The following CACNG4 variants were observed in gnomAD, a reference collection of about 807,000 sequenced individuals.
CACNG4 encodes voltage-dependent calcium channel gamma-4 subunit.
Under a neutral mutation model 22.9 loss-of-function variants are expected in CACNG4, and 8 were observed. The ratio of observed to expected loss-of-function variants is 0.35; its 90% confidence interval spans 0.21 to 0.63. The LOEUF (loss-of-function observed/expected upper bound fraction) is 0.63. Among genes scored for constraint, CACNG4 ranks in the 30% least tolerant of loss-of-function variants. The pLI, the probability that CACNG4 is intolerant of heterozygous loss-of-function variation, is 0.72. For synonymous variants in CACNG4, 188 were observed against 191.9 expected (o/e 0.98, Z 0.17); for missense variants, 357 against 455.4 (o/e 0.78, Z 1.97).
chr17:66,984,061 C>T lies in CACNG4; in HGVS notation c.220+18930C>T, dbSNP rs1472323446. Reference sequence around the variant, plus strand: ...ATCTAACTGCACCCTTAGGATTACTCTCTGTAGATTATCTTCAGTAAAAAT... The same window carrying T: ...ATCTAACTGCACCCTTAGGATTACTTTCTGTAGATTATCTTCAGTAAAAAT... On this transcript the variant is annotated intron_variant, in intron 1 of 3. Coordinates refer to ENST00000262138, the MANE Select transcript of CACNG4 (RefSeq NM_014405.4). The surrounding 1 kb of genome is among the most constrained non-coding windows in gnomAD (Gnocchi z 4.0). 6.6e-6 allele frequency among the ~76,000 whole-genome samples: 1 copy of T among 152,200 alleles called. No homozygotes were observed. The highest frequency in any genetic ancestry group is 1.5e-5 in the Non-Finnish European group (1 of 68,036).
chr17:67,020,508 G>T (rs936832373), intron 2 of CACNG4, among the ~76,000 whole-genome samples: 2 of 152,234 alleles, frequency 1.3e-5, no homozygotes, highest in African/African-American at 2.4e-5. Context: ...CGGCTTTCGG[G>T]CCTGTGGTCT....
chr17:66,969,256 G>C (rs1442594730), intron 1 of CACNG4, among the ~76,000 whole-genome samples: 1 of 152,180 alleles, frequency 6.6e-6, no homozygotes, highest in Non-Finnish European at 1.5e-5. Flanking sequence ...ACCAACTCTA[G>C]AGAACTCACT....
intron 1 of CACNG4, among the ~76,000 whole-genome samples, chr17:66,998,907 G>A (rs369548148): frequency 4.6e-5 from 7 of 152,332 alleles, no homozygotes; most frequent in East Asian, 3.9e-4. Flanking sequence ...GAGATGGTCC[G>A]GGAGCTCAAA....
chr17:67,012,932 C>T lies in CACNG4; in HGVS notation c.221-5257C>T, dbSNP rs144538706. 3.9e-5 allele frequency among the ~76,000 whole-genome samples: 6 copies of T among 152,318 alleles called. No individual in the cohort carries two copies. In the East Asian group the frequency reaches 1.2e-3, roughly 29 times the overall value. On this transcript the variant is annotated intron_variant, in intron 1 of 3. Transcript: ENST00000262138. The stretch of plus-strand genomic sequence containing the variant: ...AGGTCATGCTTTTGAAAATGCATTG[C>T]AAATGACAAAGGATTATATGAATGA...
At chr17:66,994,485 C>T (rs962425043) in intron 1 of CACNG4, among the ~76,000 whole-genome samples, 3 of 152,154 alleles carry the variant, frequency 2.0e-5, no homozygotes, top group Non-Finnish European at 4.4e-5. Flanking sequence ...CAGGAAGGTG[C>T]GGCACAGAGG....
At chr17:66,976,859 C>T (rs1324588909) in intron 1 of CACNG4, among the ~76,000 whole-genome samples, 6 of 152,206 alleles carry the variant, frequency 3.9e-5, no homozygotes, top group Non-Finnish European at 7.3e-5. Context: ...TAACCTCACA[C>T]GTCGGCTGTG....
At chr17:66,994,125 G>A (rs2035359047) in intron 1 of CACNG4, among the ~76,000 whole-genome samples, 1 of 152,038 alleles carries the variant, frequency 6.6e-6, no homozygotes, top group Non-Finnish European at 1.5e-5. Flanking sequence ...GAAGCCACAA[G>A]TTCAAGACCA....
chr17:66,986,051 A>G (rs968832349), intron 1 of CACNG4, among the ~76,000 whole-genome samples: 1 of 152,248 alleles, frequency 6.6e-6, no homozygotes, highest in African/African-American at 2.4e-5. Context: ...CCCAGTGCCT[A>G]CCAGGGGCCC....
chr17:67,025,993 G>A (rs1404994115), intron 3 of CACNG4, among the ~76,000 whole-genome samples: 7 of 152,236 alleles, frequency 4.6e-5, no homozygotes, highest in African/African-American at 1.7e-4. Context: ...GTGATCTGTG[G>A]GGCCTGTACA....
At chr17:66,971,009 C>T (rs547033235) in intron 1 of CACNG4, among the ~76,000 whole-genome samples, 9 of 152,200 alleles carry the variant, frequency 5.9e-5, no homozygotes, top group Non-Finnish European at 8.8e-5. Context: ...GTCACCAGAC[C>T]CTGAGTGTCA....
rs1487083417 is a variant in CACNG4 at position 67,024,854 on chromosome 17, G to A, written c.305-6G>A. On this transcript the variant is annotated splice_polypyrimidine_tract_variant and splice_region_variant and intron_variant, in intron 2 of 3. Transcript: ENST00000262138. The stretch of plus-strand genomic sequence containing the variant: ...TCTGCTTTGTGCCCCCCACCTCCCC[G>A]GCCAGGCATCGTGCGAGCCTCCAGC... 5 of 1,534,306 alleles carry A rather than the reference G, an allele frequency of 3.3e-6. No individual in the cohort carries two copies. The highest frequency in any genetic ancestry group is 4.4e-6 in the Non-Finnish European group (5 of 1,142,274).
intron 1 of CACNG4, among the ~76,000 whole-genome samples, chr17:67,015,515 G>A (rs2035491962): frequency 6.6e-6 from 1 of 152,162 alleles, no homozygotes; most frequent in South Asian, 2.1e-4. Flanking sequence ...TGTTGTCATG[G>A]GGAGAAGCTG....
intron 1 of CACNG4, among the ~76,000 whole-genome samples, chr17:67,011,225 G>A (rs993157563): frequency 6.6e-6 from 1 of 152,166 alleles, no homozygotes; most frequent in Admixed American, 6.5e-5. Context: ...GCTGGTCCCT[G>A]GACTGAGTCT....
intron 1 of CACNG4, among the ~76,000 whole-genome samples, chr17:66,994,339 A>AAC (rs1555577685): frequency 2.6e-5 from 4 of 151,160 alleles, no homozygotes; most frequent in African/African-American, 7.3e-5. Flanking sequence ...AAAAAAAAAA[A>AAC]AAAAAACTGC....
At chr17:67,012,143 A>T (rs1401845146) in intron 1 of CACNG4, among the ~76,000 whole-genome samples, 1 of 152,220 alleles carries the variant, frequency 6.6e-6, no homozygotes, top group Non-Finnish European at 1.5e-5. Context: ...ACAAGGAATC[A>T]AGAGGCTGGA....
At position 67,025,025 on chromosome 17, in the gene CACNG4, C is replaced by T. The variant is rs762037292; in HGVS notation, c.445+25C>T. The T allele has an allele frequency of 1.3e-4, 197 of 1,563,162 alleles. 2 individuals carry two copies. Among genetic ancestry groups the T allele is most frequent in the Non-Finnish European group, 2.6e-5 (30 of 1,158,710 alleles). ...GGTGAGCCGCCCGCCCGGGCTGGTGCTGGGCCGGGAGCTGGGGACACAGGA... is the reference window on the plus strand; with the variant it reads ...GGTGAGCCGCCCGCCCGGGCTGGTGTTGGGCCGGGAGCTGGGGACACAGGA... On this transcript the variant is annotated intron_variant, in intron 3 of 3. Coordinates refer to ENST00000262138, the MANE Select transcript of CACNG4 (RefSeq NM_014405.4).
chr17:67,025,743 T>C, intron 3 of CACNG4, among the ~76,000 whole-genome samples: 1 of 152,228 alleles, frequency 6.6e-6, no homozygotes, highest in African/African-American at 2.4e-5. Context: ...GCCGCACACG[T>C]GGGCCTCCCA....
In CACNG4 at chr17:67,030,399, A is replaced by G. The variant is rs2240648; in HGVS notation, c.446-67A>G. 576,414 of 1,394,366 alleles carry G rather than the reference A, an allele frequency of 0.41. 123,304 individuals are homozygous for G. Among genetic ancestry groups the G allele is most frequent in the East Asian group, 0.71 (30,868 of 43,680 alleles). 86.4% of individuals were successfully genotyped at this position (1,394,366 alleles called of 1,614,324 possible). On this transcript the variant is annotated intron_variant, in intron 3 of 3. Transcript: ENST00000262138. This position sits in a 1 kb window ranked among gnomAD's most constrained non-coding sequence, Gnocchi z 6.4. ...ACCTGTTCCCTACACTGCCCGTCCC[A>G]CTGTGGGTCTAACCTCTGCCTCTCT...
At chr17:66,985,513 C>G (rs1257580843) in intron 1 of CACNG4, among the ~76,000 whole-genome samples, 1 of 152,160 alleles carries the variant, frequency 6.6e-6, no homozygotes, top group African/African-American at 2.4e-5. Context: ...GGCTTGGCCT[C>G]TATCAGCCTG....
Sources: allele counts gnomAD v4.1 joint callset (sites outside exome capture counted in the v4.1 genomes callset), GRCh38; gene constraint gnomAD v4.1.1; non-coding constraint Gnocchi (gnomAD v3.1); transcripts MANE v1.5; gene names NCBI Gene and HGNC (gene_info 2026-07-23, HGNC 2026-07-21).